The following GINS1 variants were observed in gnomAD, a reference collection of about 807,000 sequenced individuals.
GINS1 encodes DNA replication complex GINS protein PSF1.
A neutral mutation model predicts 34.9 loss-of-function variants in GINS1; 26 were observed. The ratio of observed to expected loss-of-function variants is 0.74; its 90% CI spans 0.55 to 1.03. The LOEUF (loss-of-function observed/expected upper bound fraction) is 1.03. GINS1 is among the 50% of genes least tolerant of loss of function. GINS1 has a pLI of 0.00. For synonymous variants in GINS1, 97 were observed against 84.4 expected (o/e 1.15, Z -0.82); for missense variants, 235 against 237.9 (o/e 0.99, Z 0.08).
chr20:25,441,579 G>A (rs2090482186), intron 5 of GINS1, 123 bp from the exon 6 acceptor site: 1 of 604,294 alleles, frequency 1.7e-6, no homozygotes, highest in African/African-American at 1.8e-5. Flanking sequence ...CTAGGCCTAA[G>A]TACATGGAGA....
rs2146232683 is a variant in GINS1 at position 25,448,186 on chromosome 20, T to C, written c.*2195T>C. 1 of 152,274 alleles carries C rather than the reference T, an allele frequency of 6.6e-6. No homozygotes were observed. Among genetic ancestry groups the C allele is most frequent in the African/African-American group, 2.4e-5 (1 of 41,570 alleles). 9.4% of individuals were successfully genotyped at this position (152,274 alleles called of 1,614,324 possible). A position where few individuals can be genotyped will look rare whatever the true frequency, so the allele number is the denominator to read the frequency against. ...CTACAACAACAACAACAAAAACCCCTGTTGGGCACCTTGATTGAGATTGCA... is the reference window on the plus strand; with the variant it reads ...CTACAACAACAACAACAAAAACCCCCGTTGGGCACCTTGATTGAGATTGCA... On this transcript the variant is annotated 3_prime_UTR_variant, in exon 7 of 7. Transcript: ENST00000262460.
At chr20:25,425,031 T>G (rs922183094) in intron 4 of GINS1, among the ~76,000 whole-genome samples, 180 bp from the exon 5 acceptor site, 1 of 152,182 alleles carries the variant, frequency 6.6e-6, no homozygotes, top group African/African-American at 2.4e-5. Context: ...TATTGAATGA[T>G]TCATTGTAAG....
At chr20:25,409,961 T>C (rs1183678523) in intron 1 of GINS1, among the ~76,000 whole-genome samples, 1 of 152,220 alleles carries the variant, frequency 6.6e-6, no homozygotes, top group African/African-American at 2.4e-5. Flanking sequence ...GACCTGACTC[T>C]GACACTTAGT....
intron 1 of GINS1, among the ~76,000 whole-genome samples, chr20:25,410,703 A>G (rs1305006323): frequency 6.6e-6 from 1 of 152,046 alleles, no homozygotes; most frequent in African/African-American, 2.4e-5. Flanking sequence ...CTGGGATTAC[A>G]GGCGCCTGCC....
intron 1 of GINS1, chr20:25,413,493 T>G (rs916128210): frequency 3.1e-6 from 1 of 326,142 alleles, no homozygotes; most frequent in African/African-American, 2.1e-5. Context: ...TGAGTATATA[T>G]ATACACCTAG....
chr20:25,409,825 G>A (rs1379126578), intron 1 of GINS1, among the ~76,000 whole-genome samples: 1 of 152,226 alleles, frequency 6.6e-6, no homozygotes, highest in Non-Finnish European at 1.5e-5. Context: ...ATGCTTGAAT[G>A]CAGAAGTGTG....
At chr20:25,415,376 G>T (rs1293221966) in intron 2 of GINS1, among the ~76,000 whole-genome samples, 1 of 152,128 alleles carries the variant, frequency 6.6e-6, no homozygotes, top group East Asian at 1.9e-4. Context: ...TATTTCAGTG[G>T]TAAACAACAG....
chr20:25,421,243 A>G (rs984061640), intron 4 of GINS1, among the ~76,000 whole-genome samples: 1 of 152,244 alleles, frequency 6.6e-6, no homozygotes, highest in African/African-American at 2.4e-5. Context: ...AAAATAATGC[A>G]TATTAAAATT....
rs58400500 is a variant in GINS1 at position 25,414,189 on chromosome 20, CAAAA to C, written c.140+355_140+358del. The stretch of plus-strand genomic sequence containing the variant: ...TGGCGATAGGGCAAGACTCTGTCTC[CAAAA>C]AAAAAAAAAAAAAAAAAAAGATGTT... On this transcript the variant is annotated intron_variant, in intron 2 of 6. Coordinates refer to ENST00000262460, the MANE Select transcript of GINS1 (RefSeq NM_021067.5). Among the ~76,000 whole-genome samples, 118 of 67,654 alleles carry C rather than the reference CAAAA, an allele frequency of 1.7e-3. 1 individual carries two copies. Among genetic ancestry groups the C allele is most frequent in the African/African-American group, 6.1e-3 (110 of 18,074 alleles). 44.4% of individuals were successfully genotyped at this position (67,654 alleles called of 152,430 possible). A position where few individuals can be genotyped will look rare whatever the true frequency, so the allele number is the denominator to read the frequency against.
At chr20:25,428,794 G>A (rs543907582) in intron 5 of GINS1, among the ~76,000 whole-genome samples, 31 of 151,636 alleles carry the variant, frequency 2.0e-4, no homozygotes, top group African/African-American at 7.3e-4. Flanking sequence ...TGTAGGCAAG[G>A]GTTTATTTTT....
chr20:25,440,830 A>G (rs958022911), intron 5 of GINS1, among the ~76,000 whole-genome samples: 1 of 149,574 alleles, frequency 6.7e-6, no homozygotes, highest in East Asian at 1.9e-4. Flanking sequence ...AAAAAAAAAA[A>G]AAGAAAGAAA....
intron 5 of GINS1, among the ~76,000 whole-genome samples, chr20:25,428,674 G>A (rs1366735124): frequency 6.6e-6 from 1 of 151,544 alleles, no homozygotes; most frequent in African/African-American, 2.4e-5. Flanking sequence ...AAAGTGCTGG[G>A]ATTACAGGTG....
At chr20:25,422,612 C>T (rs542882264) in intron 4 of GINS1, among the ~76,000 whole-genome samples, 26 of 152,044 alleles carry the variant, frequency 1.7e-4, no homozygotes, top group African/African-American at 6.3e-4. Flanking sequence ...AAAAACTTGC[C>T]ATTTACCACC....
At chr20:25,438,512 CTTTTTT>C (rs35305107) in intron 5 of GINS1, among the ~76,000 whole-genome samples, 1 of 67,988 alleles carries the variant, frequency 1.5e-5, no homozygotes, top group Non-Finnish European at 2.6e-5. Context: ...AAGAACAACA[CTTTTTT>C]TTTTTTTTTT....
chr20:25,446,120 A>C lies in GINS1; in HGVS notation c.*129A>C, dbSNP rs373474546. 3.8e-6 allele frequency: 2 copies of C among 526,380 alleles called. No homozygotes were observed. The highest frequency in any genetic ancestry group is 3.8e-5 in the African/African-American group (2 of 52,080). The allele number at this position is 526,380 out of a possible 1,614,324, so 32.6% of individuals were successfully genotyped here. On this transcript the variant is annotated 3_prime_UTR_variant, in exon 7 of 7. Transcript: ENST00000262460. ...GACATTGTTTAAGATAACTAAGAAT[A>C]CTTGGCTAAGAAGTATAATTTGCTA...
chr20:25,407,798 C>T lies in GINS1; in HGVS notation c.-23C>T, dbSNP rs776633200. On this transcript the variant is annotated 5_prime_UTR_variant, in exon 1 of 7. Coordinates refer to ENST00000262460, the MANE Select transcript of GINS1 (RefSeq NM_021067.5). ...CGTGAGAGCTGGTGGTTGGCAAGGC[C>T]GCGGGAGTGGGAAGCGTCCGCCATG... 1.9e-6 allele frequency: 3 copies of T among 1,602,248 alleles called. No individual in the cohort carries two copies. Among genetic ancestry groups the T allele is most frequent in the Non-Finnish European group, 2.6e-6 (3 of 1,172,888 alleles).
intron 4 of GINS1, among the ~76,000 whole-genome samples, chr20:25,424,821 T>C (rs2090381228): frequency 6.6e-6 from 1 of 152,226 alleles, no homozygotes; most frequent in East Asian, 1.9e-4. Context: ...TGGGCACATA[T>C]CCATTCATCA....
chr20:25,418,300 T>C (rs2090334114), intron 4 of GINS1, 105 bp downstream of exon 4: 1 of 754,950 alleles, frequency 1.3e-6, no homozygotes, highest in East Asian at 2.5e-5. Context: ...TTAATGTCTG[T>C]TTTTCCCCAA....
At chr20:25,426,471 C>T (rs1263056305) in intron 5 of GINS1, among the ~76,000 whole-genome samples, 1 of 152,026 alleles carries the variant, frequency 6.6e-6, no homozygotes, top group Non-Finnish European at 1.5e-5. Context: ...AGGATAATCG[C>T]TAGAACCGGG....
Sources: allele counts gnomAD v4.1 joint callset (sites outside exome capture counted in the v4.1 genomes callset), GRCh38; gene constraint gnomAD v4.1.1; transcripts MANE v1.5; gene names NCBI Gene and HGNC (gene_info 2026-07-23, HGNC 2026-07-21).